Variants in GMDS observed in about 807,000 individuals in gnomAD.
GMDS encodes GDP-mannose 4,6 dehydratase.
A neutral mutation model predicts 49.9 loss-of-function variants in GMDS; 20 were observed. The ratio of observed to expected loss-of-function variants is 0.40; its 90% confidence interval spans 0.28 to 0.58. The LOEUF is 0.58. Ranked by LOEUF, GMDS falls within the 20% of genes least tolerant of loss-of-function variation. The pLI, the probability that GMDS is intolerant of heterozygous loss-of-function variation, is 0.42. For synonymous variants in GMDS, 177 were observed against 178.6 expected (o/e 0.99, Z 0.07); for missense variants, 362 against 481.4 (o/e 0.75, Z 2.32).
intron 1 of GMDS, among the ~76,000 whole-genome samples, chr6:2,232,308 T>C (rs1455718375): frequency 6.6e-6 from 1 of 152,224 alleles, no homozygotes; most frequent in African/African-American, 2.4e-5. Context: ...TTCAGGATTT[T>C]TACTCATTCA....
At chr6:2,116,736 G>T (rs1291541083) in intron 3 of GMDS, among the ~76,000 whole-genome samples, 1 of 152,172 alleles carries the variant, frequency 6.6e-6, no homozygotes, top group Admixed American at 6.5e-5. Context: ...GTCCTTGCTG[G>T]CTGGAAAAAC....
intron 4 of GMDS, among the ~76,000 whole-genome samples, chr6:1,973,919 CAAG>C (rs996991694): frequency 3.5e-4 from 53 of 152,182 alleles, no homozygotes; most frequent in African/African-American, 1.2e-3. Flanking sequence ...TCATTTAAGA[CAAG>C]AAGTAGAGCT....
intron 4 of GMDS, among the ~76,000 whole-genome samples, chr6:1,962,270 A>G (rs11757194): frequency 0.02 from 3,119 of 152,148 alleles, 43 homozygotes; most frequent in Non-Finnish European, 0.033. Context: ...CTGGTCCCCA[A>G]CTCTCACTCT....
Position 1,626,967 on chromosome 6 carries a change from T to C in GMDS, c.988-2427A>G, listed in dbSNP as rs78659759. Among the ~76,000 whole-genome samples, 1,215 of 152,388 alleles carry C rather than the reference T, an allele frequency of 8.0e-3. 13 individuals carry two copies. The highest frequency in any genetic ancestry group is 0.028 in the African/African-American group (1,172 of 41,592). On this transcript the variant is annotated intron_variant, in intron 9 of 10. Coordinates refer to ENST00000380815, the MANE Select transcript of GMDS (RefSeq NM_001500.4). ...AAACTTCTCAATTTAGTTTTGAGCC[T>C]AGCTCCAATACTGCAGTCTAGCTGC...
chr6:1,684,321 TC>T (rs1764897063), intron 9 of GMDS, among the ~76,000 whole-genome samples: 1 of 152,082 alleles, frequency 6.6e-6, no homozygotes, highest in African/African-American at 2.4e-5. Context: ...CAGACATACT[TC>T]CCAGATGAAC....
intron 1 of GMDS, among the ~76,000 whole-genome samples, chr6:2,154,294 G>T (rs1776992996): frequency 6.6e-6 from 1 of 152,028 alleles, no homozygotes. Flanking sequence ...AATGGTTTGT[G>T]AATACATACA....
chr6:2,124,733 TG>T lies in GMDS; in HGVS notation c.103-3del. 6.2e-7 allele frequency: 1 copy of T among 1,612,708 alleles called. No individual in the cohort carries two copies. The highest frequency in any genetic ancestry group is 1.7e-5 in the Admixed American group (1 of 59,910). On this transcript the variant is annotated splice_region_variant and splice_polypyrimidine_tract_variant and intron_variant, in intron 1 of 10. Transcript: ENST00000380815. ...GAACTCAGCCAGGTAGGAACCATCC[TG>T]GGGAGAAAGAAAAAATTGCAAAACG...
chr6:1,767,226 T>A (rs1561791669), intron 7 of GMDS, among the ~76,000 whole-genome samples: 4 of 151,144 alleles, frequency 2.6e-5, no homozygotes, highest in Non-Finnish European at 4.4e-5. Flanking sequence ...ATTAAACGCA[T>A]AAAAGAAAAT....
intron 9 of GMDS, among the ~76,000 whole-genome samples, chr6:1,719,983 C>T (rs1424757646): frequency 6.6e-6 from 1 of 152,122 alleles, no homozygotes; most frequent in African/African-American, 2.4e-5. Flanking sequence ...GAATTCCTCA[C>T]GGGTGCAAGT....
Position 1,778,540 on chromosome 6 carries a change from G to C in GMDS, c.772-35954C>G, listed in dbSNP as rs1052360933. 6.6e-6 allele frequency among the ~76,000 whole-genome samples: 1 copy of C among 152,278 alleles called. No individual in the cohort carries two copies. The highest frequency in any genetic ancestry group is 2.4e-5 in the African/African-American group (1 of 41,556). Reference sequence around the variant, plus strand: ...CTGGAGTGTTCCAAGATCTAAAATAGGTTAGTTTGTAAAACATGCCATAAA... The same window carrying C: ...CTGGAGTGTTCCAAGATCTAAAATACGTTAGTTTGTAAAACATGCCATAAA... On this transcript the variant is annotated intron_variant, in intron 7 of 10. Coordinates refer to ENST00000380815, the MANE Select transcript of GMDS (RefSeq NM_001500.4). This position sits in a 1 kb window ranked among gnomAD's most constrained non-coding sequence, Gnocchi z 4.6.
intron 9 of GMDS, among the ~76,000 whole-genome samples, chr6:1,701,919 G>C (rs1431718906): frequency 6.6e-6 from 1 of 152,224 alleles, no homozygotes; most frequent in East Asian, 1.9e-4. Context: ...CAAAGTAGCT[G>C]AAAGCTGATT....
chr6:1,986,299 C>G (rs947889621), intron 4 of GMDS, among the ~76,000 whole-genome samples: 1 of 152,110 alleles, frequency 6.6e-6, no homozygotes, highest in Non-Finnish European at 1.5e-5. Context: ...CAGGGAAGTA[C>G]CAGTGCCGTC....
At chr6:1,863,640 C>T (rs3800106) in intron 7 of GMDS, among the ~76,000 whole-genome samples, 63,431 of 151,952 alleles carry the variant, frequency 0.42, 14,635 homozygotes, top group African/African-American at 0.64. Flanking sequence ...TTAAGTCTTA[C>T]AAATGAAAAT....
chr6:1,771,699 G>A (rs994449642), intron 7 of GMDS, among the ~76,000 whole-genome samples: 11 of 152,296 alleles, frequency 7.2e-5, no homozygotes, highest in South Asian at 4.1e-4. Context: ...TGAGATGTTC[G>A]CTGATCTGTC....
intron 4 of GMDS, among the ~76,000 whole-genome samples, chr6:2,075,637 T>A (rs1027415356): frequency 3.3e-5 from 5 of 152,242 alleles, no homozygotes; most frequent in African/African-American, 1.2e-4. Flanking sequence ...GTGCCACATT[T>A]TCTTAATCCA....
At chr6:2,226,019 AAG>A (rs1780798851) in intron 1 of GMDS, among the ~76,000 whole-genome samples, 2 of 152,186 alleles carry the variant, frequency 1.3e-5, no homozygotes, top group South Asian at 4.1e-4. Context: ...AAAAGAAAAA[AAG>A]AGAGAGGAAT....
chr6:1,881,823 C>T (rs997500419), intron 7 of GMDS, among the ~76,000 whole-genome samples: 3 of 152,166 alleles, frequency 2.0e-5, no homozygotes, highest in Non-Finnish European at 4.4e-5. Flanking sequence ...CAAAAGACAT[C>T]ACTCAAGATC....
chr6:2,011,748 C>G (rs1463623167), intron 4 of GMDS, among the ~76,000 whole-genome samples: 1 of 152,150 alleles, frequency 6.6e-6, no homozygotes, highest in Non-Finnish European at 1.5e-5. Flanking sequence ...CACTCAGTCT[C>G]TAGAAAAAAA....
intron 1 of GMDS, among the ~76,000 whole-genome samples, chr6:2,190,285 T>G (rs1778955658): frequency 6.6e-6 from 1 of 152,216 alleles, no homozygotes; most frequent in Admixed American, 6.5e-5. Flanking sequence ...CTAACCCCAT[T>G]TTGATTGCTT....
Sources: allele counts gnomAD v4.1 joint callset (sites outside exome capture counted in the v4.1 genomes callset), GRCh38; gene constraint gnomAD v4.1.1; non-coding constraint Gnocchi (gnomAD v3.1); transcripts MANE v1.5; gene names NCBI Gene and HGNC (gene_info 2026-07-23, HGNC 2026-07-21).